Variants in SH3PXD2A observed in about 807,000 individuals in gnomAD.
SH3PXD2A encodes the protein SH3 and PX domains 2A.
Under a neutral mutation model 115.2 loss-of-function variants are expected in SH3PXD2A, and 32 were observed. That is an observed-to-expected ratio of 0.28 (90% confidence interval 0.21 to 0.37). The LOEUF is 0.37. SH3PXD2A is among the 10% of genes least tolerant of loss of function. The pLI is 1.00. For missense variants in SH3PXD2A, 1,328 were observed against 1,498.7 expected, an observed-to-expected ratio of 0.89 and a Z score of 1.88; for synonymous variants, 610 against 629.1, an observed-to-expected ratio of 0.97 and a Z score of 0.45.
chr10:103,615,249 G>A (rs535616600), intron 11 of SH3PXD2A, among the ~76,000 whole-genome samples: 2 of 152,344 alleles, frequency 1.3e-5, no homozygotes, highest in South Asian at 4.1e-4. Context: ...AGAGCTATGG[G>A]GAGAGGGGGC....
At position 103,595,277 on chromosome 10, in the gene SH3PXD2A, G is replaced by A. The variant is rs1026371731; in HGVS notation, c.*6539C>T. 6.6e-6 allele frequency: 1 copy of A among 152,084 alleles called. No individual in the cohort carries two copies. The highest frequency in any genetic ancestry group is 6.5e-5 in the Admixed American group (1 of 15,270). The allele number at this position is 152,084 out of a possible 1,614,324, so 9.4% of individuals were successfully genotyped here. A position where few individuals can be genotyped will look rare whatever the true frequency, so the allele number is the denominator to read the frequency against. On this transcript the variant is annotated 3_prime_UTR_variant, in exon 15 of 15. Coordinates refer to ENST00000369774, the MANE Select transcript of SH3PXD2A (RefSeq NM_001394015.1). ...CCAACCTGCTATGGCTGGACCCTTG[G>A]GTGTTAAATCACTAAATTCCCTTTC...
intron 3 of SH3PXD2A, among the ~76,000 whole-genome samples, chr10:103,736,119 C>T (rs376676118): frequency 2.6e-5 from 4 of 152,184 alleles, no homozygotes; most frequent in African/African-American, 7.2e-5. Context: ...GGAGTGGGTG[C>T]GGCTCTCAAG....
rs1293769665 is a variant in SH3PXD2A, at chr10:103,666,587, C to T, written c.472+2021G>A. Among the ~76,000 whole-genome samples, 1 of 152,142 alleles carries T rather than the reference C, an allele frequency of 6.6e-6. No individual in the cohort carries two copies. The highest frequency in any genetic ancestry group is 1.5e-5 in the Non-Finnish European group (1 of 68,030). Reference sequence around the variant, plus strand: ...GATGGAAATGCTTAGAATTAGAGTCCAAAGGTCTGAGGTCCAGTCCTGCTT... The same window carrying T: ...GATGGAAATGCTTAGAATTAGAGTCTAAAGGTCTGAGGTCCAGTCCTGCTT... On this transcript the variant is annotated intron_variant, in intron 7 of 14. Coordinates refer to ENST00000369774, the MANE Select transcript of SH3PXD2A (RefSeq NM_001394015.1). This position sits in a 1 kb window ranked among gnomAD's most constrained non-coding sequence, Gnocchi z 4.5.
chr10:103,678,135 G>A (rs2037563504), intron 6 of SH3PXD2A: 1 of 1,289,014 alleles, frequency 7.8e-7, no homozygotes, highest in African/African-American at 1.5e-5. Flanking sequence ...AGGAGCCGGA[G>A]CAGGAACGAC....
At chr10:103,615,422 A>G (rs1016900280) in intron 11 of SH3PXD2A, among the ~76,000 whole-genome samples, 16 of 152,106 alleles carry the variant, frequency 1.1e-4, no homozygotes, top group African/African-American at 3.6e-4. Flanking sequence ...CTTTCCAGCA[A>G]TGGAGAATGA....
chr10:103,722,816 C>T lies in SH3PXD2A; in HGVS notation c.398+1454G>A, dbSNP rs138666024. On this transcript the variant is annotated intron_variant, in intron 5 of 14. Transcript: ENST00000369774. ...TACCCTGTGGCTTTCCACTGCTTCA[C>T]GCTGTGAACCAAGCTACTGATAAGC... Among the ~76,000 whole-genome samples the T allele has an allele frequency of 1.9e-3, 294 of 152,244 alleles. 1 individual carries two copies. Among genetic ancestry groups the T allele is most frequent in the African/African-American group, 6.8e-3 (283 of 41,546 alleles).
At chr10:103,737,335 T>C (rs2038391907) in intron 3 of SH3PXD2A, among the ~76,000 whole-genome samples, 1 of 152,234 alleles carries the variant, frequency 6.6e-6, no homozygotes, top group African/African-American at 2.4e-5. Context: ...TTCCATTGCA[T>C]GTGAGCAGAC....
rs34903223 is a variant in SH3PXD2A, at chr10:103,767,810, G to GTTTTTTTTTTT, written c.154-652_154-642dup. On this transcript the variant is annotated intron_variant, in intron 2 of 14. Transcript: ENST00000369774. ...AGGGTTCTGGAGGAACAACTGTTTT[G>GTTTTTTTTTTT]TTTTTTTTTTTTTTTTTTTTTTTTG... Among the ~76,000 whole-genome samples, 39 of 67,704 alleles carry GTTTTTTTTTTT rather than the reference G, an allele frequency of 5.8e-4. 2 individuals are homozygous for GTTTTTTTTTTT. The highest frequency in any genetic ancestry group is 1.8e-3 in the East Asian group (4 of 2,168). The allele number at this position is 67,704 out of a possible 152,430, so 44.4% of individuals were successfully genotyped here.
At chr10:103,691,963 T>G (rs2037757533) in intron 6 of SH3PXD2A, among the ~76,000 whole-genome samples, 1 of 152,022 alleles carries the variant, frequency 6.6e-6, no homozygotes, top group Non-Finnish European at 1.5e-5. Flanking sequence ...CCACTCTACA[T>G]CCATCCACCA....
chr10:103,824,037 C>T (rs996701509), intron 1 of SH3PXD2A, among the ~76,000 whole-genome samples: 1 of 152,214 alleles, frequency 6.6e-6, no homozygotes, highest in African/African-American at 2.4e-5. Context: ...CACTCCCCAA[C>T]CCCTGGGAGG....
intron 2 of SH3PXD2A, among the ~76,000 whole-genome samples, chr10:103,783,919 C>T (rs1478288465): frequency 6.6e-6 from 1 of 152,250 alleles, no homozygotes; most frequent in East Asian, 1.9e-4. Flanking sequence ...CCAGGCTCTG[C>T]TGCCAGCCCT....
chr10:103,767,701 C>CTAGCCAATATTGTGCCTATTGCCATACTA (rs1279927995), intron 2 of SH3PXD2A, among the ~76,000 whole-genome samples: 1 of 152,198 alleles, frequency 6.6e-6, no homozygotes, highest in African/African-American at 2.4e-5. Flanking sequence ...CCCCTGCTGC[C>CTAGCCAATATTGTGCCTATTGCCATACTA]GGAAGACCAT....
In SH3PXD2A at chr10:103,620,186, T is replaced by A. The variant is rs527797612; in HGVS notation, c.802+2284A>T. Among the ~76,000 whole-genome samples the A allele has an allele frequency of 6.6e-6, 1 of 152,188 alleles. No homozygotes were observed. The highest frequency in any genetic ancestry group is 2.1e-4 in the South Asian group (1 of 4,810). ...AGAGATGTCCCGTCGGAAATGGGGT[T>A]GAGGGAAGGGAGGCTGTGAGCTCCA... On this transcript the variant is annotated intron_variant, in intron 10 of 14. Coordinates refer to ENST00000369774, the MANE Select transcript of SH3PXD2A (RefSeq NM_001394015.1). This position sits in a 1 kb window ranked among gnomAD's most constrained non-coding sequence, Gnocchi z 5.3.
At chr10:103,792,525 T>C (rs572519309) in intron 2 of SH3PXD2A, among the ~76,000 whole-genome samples, 3 of 152,240 alleles carry the variant, frequency 2.0e-5, no homozygotes, top group Non-Finnish European at 4.4e-5. Context: ...GCTTTCTTTA[T>C]ATGGACTGTG....
chr10:103,748,192 G>A (rs1310228831), intron 3 of SH3PXD2A, among the ~76,000 whole-genome samples: 2 of 152,190 alleles, frequency 1.3e-5, no homozygotes, highest in Non-Finnish European at 2.9e-5. Flanking sequence ...TACATACTGG[G>A]TGCTGTTGTT....
intron 6 of SH3PXD2A, chr10:103,678,265 A>C: frequency 1.5e-6 from 1 of 651,606 alleles, no homozygotes. Flanking sequence ...GTCCAGACCA[A>C]TCCCCTGAGC....
At chr10:103,850,328 G>A (rs972401134) in intron 1 of SH3PXD2A, among the ~76,000 whole-genome samples, 2 of 152,126 alleles carry the variant, frequency 1.3e-5, no homozygotes, top group Non-Finnish European at 2.9e-5. Context: ...GCGATAAATG[G>A]CTGGCTGTGC....
In SH3PXD2A at chr10:103,664,387, G is replaced by A. The variant is rs532842816; in HGVS notation, c.473-3273C>T. On this transcript the variant is annotated intron_variant, in intron 7 of 14. Transcript: ENST00000369774. ...GCATCCAACAGCATCGAGCTGCCTC[G>A]TCCAATCCTCAGAGCAACCCCATGC... 6.6e-5 allele frequency among the ~76,000 whole-genome samples: 10 copies of A among 152,304 alleles called. No individual in the cohort carries two copies. In the South Asian group the frequency reaches 1.9e-3, roughly 28 times the overall value.
In SH3PXD2A at chr10:103,627,058, C is replaced by T; in HGVS notation, c.718+31G>A. 2 of 1,277,026 alleles carry T rather than the reference C, an allele frequency of 1.6e-6. No individual in the cohort carries two copies. The highest frequency in any genetic ancestry group is 1.1e-6 in the Non-Finnish European group (1 of 872,798). 79.1% of individuals were successfully genotyped at this position (1,277,026 alleles called of 1,614,324 possible). A position where few individuals can be genotyped will look rare whatever the true frequency, so the allele number is the denominator to read the frequency against. The stretch of plus-strand genomic sequence containing the variant: ...AGAGCTGCCTCCAGAGGCCGCGTTG[C>T]TCCCTGCCCCTTGGACCTGCAAGCC... On this transcript the variant is annotated intron_variant, in intron 9 of 14. Coordinates refer to ENST00000369774, the MANE Select transcript of SH3PXD2A (RefSeq NM_001394015.1). This position sits in a 1 kb window ranked among gnomAD's most constrained non-coding sequence, Gnocchi z 4.4.
Sources: allele counts gnomAD v4.1 joint callset (sites outside exome capture counted in the v4.1 genomes callset), GRCh38; gene constraint gnomAD v4.1.1; non-coding constraint Gnocchi (gnomAD v3.1); transcripts MANE v1.5; gene names NCBI Gene and HGNC (gene_info 2026-07-23, HGNC 2026-07-21).